HMGA2: variants seen among roughly 807,000 people sequenced by gnomAD.
HMGA2 encodes high mobility group AT-hook 2, also known as high mobility group protein HMGI-C.
In HMGA2, 8 loss-of-function variants were observed where a neutral mutation model predicts 19.1. The ratio of observed to expected loss-of-function variants is 0.42; its 90% CI spans 0.25 to 0.76. HMGA2 has a LOEUF of 0.76. HMGA2 is among the 30% of genes least tolerant of loss of function. HMGA2 has a pLI of 0.28. For synonymous variants in HMGA2, 60 were observed against 48.8 expected (o/e 1.23, Z -0.96); for missense variants, 109 against 136.3 (o/e 0.80, Z 1.00).
rs1384911884 is a variant in HMGA2 at position 65,951,433 on chromosome 12, AT to A, written c.282+25del. ...CTGCTCAGGTAAGACATAGTCATTA[AT>A]TTTTTTCTCCCAATTAATATAAAAA... On this transcript the variant is annotated intron_variant, in intron 4 of 4. Coordinates refer to ENST00000403681, the MANE Select transcript of HMGA2 (RefSeq NM_003483.6). 2.7e-6 allele frequency: 4 copies of A among 1,486,928 alleles called. No homozygotes were observed. The highest frequency in any genetic ancestry group is 2.5e-5 in the East Asian group (1 of 40,710). 92.1% of individuals were successfully genotyped at this position (1,486,928 alleles called of 1,614,324 possible).
intron 3 of HMGA2, among the ~76,000 whole-genome samples, chr12:65,861,877 T>C (rs909277355): frequency 3.3e-5 from 5 of 150,570 alleles, no homozygotes; most frequent in Non-Finnish European, 7.4e-5. Context: ...GAAGTTTCGC[T>C]CTTGTTGCCC....
chr12:65,888,458 CA>C (rs1430664583), intron 3 of HMGA2, among the ~76,000 whole-genome samples: 5 of 145,838 alleles, frequency 3.4e-5, no homozygotes, highest in African/African-American at 1.3e-4. Context: ...CAGTCCCCCC[CA>C]AAAAAAGAAA....
At chr12:65,941,585 C>T (rs796329621) in intron 3 of HMGA2, among the ~76,000 whole-genome samples, 1 of 152,100 alleles carries the variant, frequency 6.6e-6, no homozygotes, top group South Asian at 2.1e-4. Context: ...GCACTCAACC[C>T]ATAAACTATC....
chr12:65,964,756 A>T lies in HMGA2; in HGVS notation c.*1464A>T, dbSNP rs1876859928. Reference sequence around the variant, plus strand: ...TATGTTTTTTTAATTAAAAATTTTTAAAATACTTGTTTCAGCTTCTCTGCT... The same window carrying T: ...TATGTTTTTTTAATTAAAAATTTTTTAAATACTTGTTTCAGCTTCTCTGCT... On this transcript the variant is annotated 3_prime_UTR_variant, in exon 5 of 5. Coordinates refer to ENST00000403681, the MANE Select transcript of HMGA2 (RefSeq NM_003483.6). 1.5e-5 allele frequency: 3 copies of T among 196,240 alleles called. No homozygotes were observed. The allele number at this position is 196,240 out of a possible 1,614,324, so 12.2% of individuals were successfully genotyped here.
chr12:65,872,429 A>C (rs930134041), intron 3 of HMGA2, among the ~76,000 whole-genome samples: 2 of 151,984 alleles, frequency 1.3e-5, no homozygotes, highest in Non-Finnish European at 2.9e-5. Context: ...TCTATTTTTC[A>C]TTCCATGTGT....
Position 65,851,421 on chromosome 12 carries a change from C to T in HMGA2, c.249+12852C>T, listed in dbSNP as rs11837192. 2.7e-3 allele frequency: 536 copies of T among 194,980 alleles called. 2 individuals are homozygous for T. The highest frequency in any genetic ancestry group is 0.019 in the Middle Eastern group (8 of 424). 12.1% of individuals were successfully genotyped at this position (194,980 alleles called of 1,614,324 possible). On this transcript the variant is annotated intron_variant, in intron 3 of 4. Coordinates refer to ENST00000403681, the MANE Select transcript of HMGA2 (RefSeq NM_003483.6). ...TCCTAGCTACTTGGGAGGCTGAAGC[C>T]GGAGAATCACTTGAACCTGGGAGGC...
intron 3 of HMGA2, among the ~76,000 whole-genome samples, chr12:65,910,559 T>A (rs1363417998): frequency 6.6e-6 from 1 of 152,220 alleles, no homozygotes; most frequent in Non-Finnish European, 1.5e-5. Context: ...TAGTTGATAA[T>A]TCTACATAAG....
At position 65,870,689 on chromosome 12, in the gene HMGA2, A is replaced by G. The variant is rs576395370; in HGVS notation, c.249+32120A>G. ...GGTTTCAGTGAGCCGAGATCGTGCC[A>G]CTGCACTCTAGCCTGGGCAGGGGGA... On this transcript the variant is annotated intron_variant, in intron 3 of 4. Coordinates refer to ENST00000403681, the MANE Select transcript of HMGA2 (RefSeq NM_003483.6). Among the ~76,000 whole-genome samples the G allele has an allele frequency of 3.3e-5, 5 of 152,378 alleles. No homozygotes were observed. In the East Asian group the frequency reaches 9.6e-4, roughly 29 times the overall value.
At chr12:65,873,471 G>A (rs891963326) in intron 3 of HMGA2, among the ~76,000 whole-genome samples, 2 of 152,148 alleles carry the variant, frequency 1.3e-5, no homozygotes, top group Admixed American at 1.3e-4. Flanking sequence ...GCACCAGTGG[G>A]ATTGGAGGAT....
rs2064202736 is a variant in HMGA2, at chr12:65,915,205, C to A, written c.250-36178C>A. On this transcript the variant is annotated intron_variant, in intron 3 of 4. Coordinates refer to ENST00000403681, the MANE Select transcript of HMGA2 (RefSeq NM_003483.6). Reference sequence around the variant, plus strand: ...AGGAATTGTCCATTACATCTATGAGCCTTATGTGTGGCTTTCTCCGATATA... The same window carrying A: ...AGGAATTGTCCATTACATCTATGAGACTTATGTGTGGCTTTCTCCGATATA... 12 of 1,604,508 alleles carry A rather than the reference C, an allele frequency of 7.5e-6. No homozygotes were observed. In the South Asian group the frequency reaches 1.1e-4, roughly 15 times the overall value.
chr12:65,901,036 T>A (rs965810685), intron 3 of HMGA2, among the ~76,000 whole-genome samples: 1 of 152,266 alleles, frequency 6.6e-6, no homozygotes, highest in African/African-American at 2.4e-5. Context: ...ATACTCCACA[T>A]ATTATGTGTG....
chr12:65,851,711 G>A (rs1168900529), intron 3 of HMGA2: 9 of 396,648 alleles, frequency 2.3e-5, no homozygotes, highest in African/African-American at 6.3e-5. Flanking sequence ...GTGAAAATAT[G>A]TTGTCAGCTT....
intron 3 of HMGA2, among the ~76,000 whole-genome samples, chr12:65,923,235 A>G (rs1186546040): frequency 6.6e-6 from 1 of 152,176 alleles, no homozygotes; most frequent in African/African-American, 2.4e-5. Context: ...AGAAAAAAAA[A>G]TCCCTATGGC....
intron 2 of HMGA2, among the ~76,000 whole-genome samples, chr12:65,836,598 G>C (rs1357193178): frequency 6.6e-6 from 1 of 152,170 alleles, no homozygotes; most frequent in Non-Finnish European, 1.5e-5. Flanking sequence ...GCGTTCCAAG[G>C]TAGAGTCTGT....
At chr12:65,919,611 T>C (rs1875231337) in intron 3 of HMGA2, among the ~76,000 whole-genome samples, 2 of 152,236 alleles carry the variant, frequency 1.3e-5, no homozygotes. Flanking sequence ...ATTTTCTCAC[T>C]CTGGAAGACA....
chr12:65,939,978 C>T (rs1412118136), intron 3 of HMGA2, among the ~76,000 whole-genome samples: 2 of 152,094 alleles, frequency 1.3e-5, no homozygotes, highest in East Asian at 3.9e-4. Flanking sequence ...CAGACAATAA[C>T]ACATAATACA....
chr12:65,904,479 A>T (rs1028187482), intron 3 of HMGA2, among the ~76,000 whole-genome samples: 20 of 152,178 alleles, frequency 1.3e-4, no homozygotes, highest in Admixed American at 2.0e-4. Flanking sequence ...TTCCTTAGCA[A>T]TTGTTCTTTA....
intron 3 of HMGA2, among the ~76,000 whole-genome samples, chr12:65,887,361 G>A (rs1873701006): frequency 6.6e-6 from 1 of 152,168 alleles, no homozygotes; most frequent in African/African-American, 2.4e-5. Context: ...GCTGAGATGG[G>A]TCGATCACCT....
At chr12:65,835,824 G>T (rs1339806335) in intron 2 of HMGA2, among the ~76,000 whole-genome samples, 1 of 152,048 alleles carries the variant, frequency 6.6e-6, no homozygotes, top group Non-Finnish European at 1.5e-5. Flanking sequence ...AGGTCAATAG[G>T]CTCCTTCTCC....
Sources: allele counts gnomAD v4.1 joint callset (sites outside exome capture counted in the v4.1 genomes callset), GRCh38; gene constraint gnomAD v4.1.1; transcripts MANE v1.5; gene names NCBI Gene and HGNC (gene_info 2026-07-23, HGNC 2026-07-21).